HEATR5A: variants seen among roughly 807,000 people sequenced by gnomAD.
HEATR5A encodes HEAT repeat containing 5A, also known as HEAT repeat-containing protein 5A.
HEATR5A carries 178 observed loss-of-function variants against 218.8 expected under a neutral mutation model. That is an observed-to-expected ratio of 0.81 (90% CI 0.72 to 0.92). The LOEUF is 0.92. Among genes scored for constraint, HEATR5A ranks in the 40% least tolerant of loss-of-function variants. The pLI is 0.00. For missense variants in HEATR5A, 2,420 were observed against 2,418.9 expected, an observed-to-expected ratio of 1.00 and a Z score of -0.01; for synonymous variants, 864 against 871.6, an observed-to-expected ratio of 0.99 and a Z score of 0.15.
chr14:31,327,270 C>T (rs1900299961), intron 22 of HEATR5A, among the ~76,000 whole-genome samples: 1 of 148,936 alleles, frequency 6.7e-6, no homozygotes, highest in South Asian at 2.1e-4. Context: ...GCCACAGTGC[C>T]CAGCCTCCAG....
intron 11 of HEATR5A, among the ~76,000 whole-genome samples, chr14:31,376,152 C>T (rs1222836312): frequency 6.6e-6 from 1 of 152,160 alleles, no homozygotes. Context: ...TTTCTTCATC[C>T]ATAAATGGGG....
At chr14:31,294,535 G>A (rs562218190) in intron 34 of HEATR5A, among the ~76,000 whole-genome samples, 3 of 150,202 alleles carry the variant, frequency 2.0e-5, no homozygotes, top group East Asian at 3.9e-4. Context: ...TCAACCTCCC[G>A]AGTCGCTGGG....
At chr14:31,404,276 G>A (rs1229079260) in intron 1 of HEATR5A, among the ~76,000 whole-genome samples, 1 of 152,154 alleles carries the variant, frequency 6.6e-6, no homozygotes, top group African/African-American at 2.4e-5. Flanking sequence ...TCATAGGAAT[G>A]TAGATAAAAT....
At chr14:31,351,594 A>G (rs1395921832) in intron 16 of HEATR5A, among the ~76,000 whole-genome samples, 2 of 152,090 alleles carry the variant, frequency 1.3e-5, no homozygotes, top group Non-Finnish European at 2.9e-5. Flanking sequence ...ATTGTTTTAC[A>G]TATAGTATAG....
At chr14:31,315,694 A>T in intron 27 of HEATR5A, 76 bp downstream of exon 27, 1 of 1,050,226 alleles carries the variant, frequency 9.5e-7, no homozygotes, top group Non-Finnish European at 1.4e-6. Flanking sequence ...CATTTTAAAC[A>T]GTAAATTTCA....
intron 29 of HEATR5A, among the ~76,000 whole-genome samples, 171 bp downstream of exon 29, chr14:31,308,763 A>G (rs1271752149): frequency 6.6e-6 from 1 of 152,036 alleles, no homozygotes; most frequent in Non-Finnish European, 1.5e-5. Flanking sequence ...AAATGAGCAG[A>G]GAGCTTAAGT....
intron 22 of HEATR5A, among the ~76,000 whole-genome samples, chr14:31,330,277 G>A (rs990476917): frequency 6.6e-6 from 1 of 152,180 alleles, no homozygotes; most frequent in African/African-American, 2.4e-5. Flanking sequence ...TTTGGGGCTT[G>A]CACTCTCTGA....
Position 31,313,155 on chromosome 14 carries a change from G to A in HEATR5A, c.4254C>T (p.His1418=), listed in dbSNP as rs1345761371. The A allele has an allele frequency of 6.2e-7, 1 of 1,613,708 alleles. No individual in the cohort carries two copies. Among genetic ancestry groups the A allele is most frequent in the Admixed American group, 1.7e-5 (1 of 60,006 alleles). The part of the protein sequence containing the change: ...YIIAVQRHKN[H]RQPLKTTTCL... ...AGGTGGTAGTCTTCAAAGGTTGTCT[G>A]TGGTTTTTATGTCTTTGCACAGCAA... Residue 1418 remains histidine, a synonymous_variant, in exon 28 of 36, where the codon CAC becomes CAT. Coordinates refer to ENST00000543095, the MANE Select transcript of HEATR5A (RefSeq NM_015473.4).
chr14:31,403,742 A>G (rs1474803701), intron 1 of HEATR5A, among the ~76,000 whole-genome samples: 3 of 152,236 alleles, frequency 2.0e-5, no homozygotes, highest in Non-Finnish European at 4.4e-5. Flanking sequence ...TTGTTGTAGC[A>G]AACAATCAAC....
chr14:31,370,273 AC>A (rs1406754907), intron 13 of HEATR5A, among the ~76,000 whole-genome samples: 5 of 152,144 alleles, frequency 3.3e-5, no homozygotes, highest in African/African-American at 1.2e-4. Context: ...CAAAAAGACA[AC>A]CTAAAAGAAA....
chr14:31,352,882 A>C (rs1403715473), intron 16 of HEATR5A, among the ~76,000 whole-genome samples: 2 of 151,940 alleles, frequency 1.3e-5, no homozygotes, highest in African/African-American at 4.8e-5. Flanking sequence ...TGCTTGAGCC[A>C]AGAGTGGAGG....
intron 1 of HEATR5A, among the ~76,000 whole-genome samples, chr14:31,409,498 A>G (rs879839176): frequency 2.0e-5 from 3 of 152,130 alleles, no homozygotes; most frequent in Admixed American, 6.5e-5. Flanking sequence ...CGAGGAGTTC[A>G]TGACCAACCT....
In HEATR5A at chr14:31,383,314, C is replaced by T. The variant is rs1001625398; in HGVS notation, c.1596+207G>A. On this transcript the variant is annotated intron_variant, in intron 10 of 35. Transcript: ENST00000543095. ...TAAAGTAATACCACAAATAATACCA[C>T]TAACTAAATTATTAAATATTAAGCT... Among the ~76,000 whole-genome samples, 29 of 152,294 alleles carry T rather than the reference C, an allele frequency of 1.9e-4. No individual in the cohort carries two copies. The East Asian group carries it at 1.9e-3, about 10-fold the overall frequency.
chr14:31,370,132 A>T (rs1010463221), intron 13 of HEATR5A, among the ~76,000 whole-genome samples: 7 of 151,980 alleles, frequency 4.6e-5, no homozygotes, highest in Non-Finnish European at 8.8e-5. Context: ...AGGCTGAGGC[A>T]GGAGAATGGT....
intron 3 of HEATR5A, among the ~76,000 whole-genome samples, chr14:31,399,367 C>A (rs2030784059): frequency 6.6e-6 from 1 of 152,002 alleles, no homozygotes; most frequent in South Asian, 2.1e-4. Context: ...CAAAATTCTA[C>A]AAAATATTTC....
At chr14:31,331,801 C>T (rs1308019638) in intron 22 of HEATR5A, among the ~76,000 whole-genome samples, 1 of 152,128 alleles carries the variant, frequency 6.6e-6, no homozygotes, top group Admixed American at 6.6e-5. Context: ...TGTGAAGGAA[C>T]TGAAGGGGCA....
At position 31,336,209 on chromosome 14, in the gene HEATR5A, CATACATACATATATATATATATATATAT is replaced by C. The variant is rs1362829004; in HGVS notation, c.3367+1239_3367+1266del. Among the ~76,000 whole-genome samples, 77 of 57,614 alleles carry C rather than the reference CATACATACATATATATATATATATATAT, an allele frequency of 1.3e-3. 1 individual carries two copies. The highest frequency in any genetic ancestry group is 7.6e-3 in the Middle Eastern group (1 of 132). The allele number at this position is 57,614 out of a possible 152,430, so 37.8% of individuals were successfully genotyped here. A position where few individuals can be genotyped will look rare whatever the true frequency, so the allele number is the denominator to read the frequency against. On this transcript the variant is annotated intron_variant, in intron 22 of 35. Coordinates refer to ENST00000543095, the MANE Select transcript of HEATR5A (RefSeq NM_015473.4). ...GCGCAGGGGGTTATTTTTATATATA[CATACATACATATATATATATATATATAT>C]ATATATATATATATATATATATATA... is the stretch of plus-strand genomic sequence containing the variant.
chr14:31,350,715 A>G lies in HEATR5A; in HGVS notation c.2414T>C (p.Leu805Pro), dbSNP rs1399579659. The stretch of plus-strand genomic sequence containing the variant: ...GTCCAAAAGCTGTTCCAATATAAGA[A>G]GCCTACAATCAGAAATAACAGGATT... ...VCAHVGETQR[L>P]LILEQLLDSI... Residue 805 changes from leucine to proline, a missense_variant and splice_region_variant, in exon 17 of 36, where the codon CTT becomes CCT. Leu to Pro is a moderately conservative substitution (Grantham distance 98). Transcript: ENST00000543095. 4 of 1,485,128 alleles carry G rather than the reference A, an allele frequency of 2.7e-6. No individual in the cohort carries two copies. In the African/African-American group the frequency reaches 5.5e-5, roughly 20 times the overall value. 92.0% of individuals were successfully genotyped at this position (1,485,128 alleles called of 1,614,324 possible). A position where few individuals can be genotyped will look rare whatever the true frequency, so the allele number is the denominator to read the frequency against.
Position 31,340,534 on chromosome 14 carries a change from T to G in HEATR5A, c.3229-2920A>C. On this transcript the variant is annotated intron_variant, in intron 21 of 35. Coordinates refer to ENST00000543095, the MANE Select transcript of HEATR5A (RefSeq NM_015473.4). ...CAAAACCAAAAGATAAATATTAGGA[T>G]GACTTTGACAACAGTCAGCTAAGCA... is the stretch of plus-strand genomic sequence containing the variant. 3.6e-6 allele frequency: 4 copies of G among 1,101,064 alleles called. No individual in the cohort carries two copies. In the Admixed American group the frequency reaches 9.4e-5, roughly 26 times the overall value. 68.2% of individuals were successfully genotyped at this position (1,101,064 alleles called of 1,614,324 possible).
Sources: gnomAD v4.1 joint callset for allele counts (sites outside exome capture counted in the v4.1 genomes callset) on GRCh38, gnomAD v4.1.1 for gene constraint, MANE v1.5 for transcripts, NCBI Gene and HGNC (gene_info 2026-07-23, HGNC 2026-07-21) for gene names.